Variants in FRY observed in about 807,000 individuals in gnomAD.
The protein encoded by FRY is FRY microtubule binding protein.
FRY carries 128 observed loss-of-function variants against 348.4 expected under a neutral mutation model. The ratio of observed to expected loss-of-function variants is 0.37; its 90% CI spans 0.32 to 0.43. The LOEUF (loss-of-function observed/expected upper bound fraction) is 0.43. FRY is among the 20% of genes least tolerant of loss of function. The pLI, the probability that FRY is intolerant of heterozygous loss-of-function variation, is 1.00. For synonymous variants in FRY, 1,370 were observed against 1,374.7 expected, an observed-to-expected ratio of 1.00 and a Z score of 0.08; for missense variants, 2,736 against 3,695.2, an observed-to-expected ratio of 0.74 and a Z score of 6.73.
At chr13:32,210,805 C>A in intron 33 of FRY, 61 bp from the exon 34 acceptor site, 1 of 1,364,152 alleles carries the variant, frequency 7.3e-7, no homozygotes, top group African/African-American at 1.4e-5. Flanking sequence ...GGTTTACTGG[C>A]CTAGTGTTCC....
intron 36 of FRY, among the ~76,000 whole-genome samples, chr13:32,219,148 G>A (rs907030954): frequency 1.0e-4 from 15 of 149,240 alleles, no homozygotes; most frequent in African/African-American, 3.5e-4. Context: ...GAGTGCAGTG[G>A]CACCATCTCA....
intron 31 of FRY, among the ~76,000 whole-genome samples, chr13:32,207,716 A>G (rs1208071033): frequency 6.6e-6 from 1 of 152,222 alleles, no homozygotes; most frequent in Non-Finnish European, 1.5e-5. Flanking sequence ...TGGTCTCCAA[A>G]ATAAAAAATT....
chr13:32,287,324 T>C (rs1392960469), intron 58 of FRY, among the ~76,000 whole-genome samples: 1 of 152,216 alleles, frequency 6.6e-6, no homozygotes, highest in Non-Finnish European at 1.5e-5. Flanking sequence ...ATATTCTCAA[T>C]GTGCAAGGCA....
intron 2 of FRY, among the ~76,000 whole-genome samples, chr13:32,089,689 G>A (rs549855699): frequency 1.3e-5 from 2 of 152,252 alleles, no homozygotes; most frequent in African/African-American, 4.8e-5. Context: ...CCATTTGAAT[G>A]AGGCTGCAGT....
At chr13:32,196,657 CTG>C (rs1398799403) in intron 29 of FRY, among the ~76,000 whole-genome samples, 1 of 151,874 alleles carries the variant, frequency 6.6e-6, no homozygotes, top group Non-Finnish European at 1.5e-5. Context: ...TGCTATGACT[CTG>C]GTGATATTAG....
At chr13:32,218,697 G>T in intron 35 of FRY, 52 bp from the exon 36 acceptor site, 3 of 769,804 alleles carry the variant, frequency 3.9e-6, no homozygotes, top group Non-Finnish European at 4.1e-6. Context: ...AAAAAAAAAA[G>T]CGCATATGCA....
chr13:32,091,846 A>G (rs963430512), intron 2 of FRY, among the ~76,000 whole-genome samples: 1 of 152,234 alleles, frequency 6.6e-6, no homozygotes, highest in Non-Finnish European at 1.5e-5. Context: ...AAGCTTAGAG[A>G]AGTTAAGAAA....
intron 26 of FRY, 97 bp from the exon 27 acceptor site, chr13:32,186,163 A>G: frequency 1.1e-6 from 1 of 944,586 alleles, no homozygotes; most frequent in Admixed American, 1.8e-5. Context: ...TAGTTAAAAA[A>G]TGAAGTGGTT....
At chr13:32,095,961 C>A (rs1876675849) in intron 2 of FRY, among the ~76,000 whole-genome samples, 2 of 151,912 alleles carry the variant, frequency 1.3e-5, no homozygotes, top group Admixed American at 1.3e-4. Context: ...CTCCATCCTT[C>A]CTTTCTTCCC....
At chr13:32,083,330 G>C (rs1313168075) in intron 2 of FRY, among the ~76,000 whole-genome samples, 1 of 151,966 alleles carries the variant, frequency 6.6e-6, no homozygotes, top group Non-Finnish European at 1.5e-5. Flanking sequence ...ATTGTATTTT[G>C]TTTCTTTTTT....
intron 29 of FRY, among the ~76,000 whole-genome samples, chr13:32,197,461 G>C (rs1883742440): frequency 6.6e-6 from 1 of 152,154 alleles, no homozygotes; most frequent in Non-Finnish European, 1.5e-5. Flanking sequence ...AGTATTTCAG[G>C]AGAGCAGAGT....
At chr13:32,225,103 A>G in intron 38 of FRY, 67 bp downstream of exon 38, 1 of 897,806 alleles carries the variant, frequency 1.1e-6, no homozygotes, top group South Asian at 1.3e-5. Flanking sequence ...ATCCGTAGAG[A>G]TTTCCTTTCA....
intron 49 of FRY, among the ~76,000 whole-genome samples, chr13:32,251,399 G>T (rs963211372): frequency 2.6e-5 from 4 of 152,148 alleles, no homozygotes; most frequent in African/African-American, 9.7e-5. Flanking sequence ...AGAGACTCAT[G>T]CTGTAACTTA....
At chr13:32,037,027 T>TAC (rs63370460) in intron 1 of FRY, among the ~76,000 whole-genome samples, 1,111 of 99,578 alleles carry the variant, frequency 0.011, 12 homozygotes, top group Middle Eastern at 0.014. Context: ...CTCTCTGTTT[T>TAC]ACACACACAC....
chr13:32,269,126 A>G (rs1888089217), intron 55 of FRY, among the ~76,000 whole-genome samples: 1 of 152,338 alleles, frequency 6.6e-6, no homozygotes, highest in South Asian at 2.1e-4. Context: ...AGGAAGAGCC[A>G]TGGCCGACGG....
intron 1 of FRY, among the ~76,000 whole-genome samples, chr13:32,041,720 T>G (rs933264337): frequency 1.3e-5 from 2 of 152,232 alleles, no homozygotes; most frequent in African/African-American, 4.8e-5. Context: ...CCTGTCTCGC[T>G]TCTGTTTTAC....
intron 36 of FRY, among the ~76,000 whole-genome samples, chr13:32,219,512 A>G (rs1423937710): frequency 6.7e-6 from 1 of 150,190 alleles, no homozygotes; most frequent in Non-Finnish European, 1.5e-5. Flanking sequence ...TAATCCCAGC[A>G]CTTTGGGAGG....
At position 32,234,489 on chromosome 13, in the gene FRY, G is replaced by A. The variant is rs547919336; in HGVS notation, c.5528-85G>A. On this transcript the variant is annotated intron_variant, in intron 41 of 60. Transcript: ENST00000542859. ...ACTACAAGGTAGCCCTGTGCCGTTA[G>A]CCTGTTTTAAACTTAGAGGTAACTT... The A allele has an allele frequency of 1.2e-4, 135 of 1,159,692 alleles. No homozygotes were observed. In the South Asian group the frequency reaches 1.6e-3, roughly 14 times the overall value. 71.8% of individuals were successfully genotyped at this position (1,159,692 alleles called of 1,614,324 possible).
At chr13:32,137,899 C>G (rs1163192191) in intron 11 of FRY, among the ~76,000 whole-genome samples, 1 of 151,890 alleles carries the variant, frequency 6.6e-6, no homozygotes, top group Admixed American at 6.6e-5. Flanking sequence ...TGGCATTTAC[C>G]ATAATTACAC....
Sources: gnomAD v4.1 joint callset for allele counts (sites outside exome capture counted in the v4.1 genomes callset) on GRCh38, gnomAD v4.1.1 for gene constraint, MANE v1.5 for transcripts, NCBI Gene and HGNC (gene_info 2026-07-23, HGNC 2026-07-21) for gene names.